Variants in BICD2 observed in about 807,000 individuals in gnomAD.
The protein encoded by BICD2 is BICD cargo adaptor 2.
A neutral mutation model predicts 72.9 loss-of-function variants in BICD2; 25 were observed. The observed-to-expected ratio is 0.34, with a 90% CI of 0.25 to 0.48. The LOEUF (loss-of-function observed/expected upper bound fraction) is 0.48, where lower values mean the gene tolerates loss of function less well. Among genes scored for constraint, BICD2 ranks in the 20% least tolerant of loss-of-function variants. BICD2 has a pLI of 0.99. For synonymous variants in BICD2, 501 were observed against 516.1 expected (o/e 0.97, Z 0.40); for missense variants, 894 against 1,175.2 (o/e 0.76, Z 3.50).
At chr9:92,724,988 CCACCAA>C (rs1853537067) in intron 2 of BICD2, among the ~76,000 whole-genome samples, 1 of 152,180 alleles carries the variant, frequency 6.6e-6, no homozygotes, top group Admixed American at 6.5e-5. Flanking sequence ...GGTCTGAGTC[CCACCAA>C]CTCTCCCAGG....
chr9:92,714,669 A>T lies in BICD2; in HGVS notation c.*485T>A. 1 of 988,044 alleles carries T rather than the reference A, an allele frequency of 1.0e-6. No homozygotes were observed. Among genetic ancestry groups the T allele is most frequent in the Non-Finnish European group, 1.2e-6 (1 of 831,964 alleles). The allele number at this position is 988,044 out of a possible 1,614,324, so 61.2% of individuals were successfully genotyped here. ...GTACTCCTTTCCATGAAACTATGCC[A>T]AGTGCAAAGCCATCCTCTGAGGTCG... On this transcript the variant is annotated 3_prime_UTR_variant, in exon 7 of 7. Transcript: ENST00000356884.
rs1854439117 is a variant in BICD2, at chr9:92,764,463, C to T, written c.240+42G>A. On this transcript the variant is annotated intron_variant, in intron 1 of 6. Transcript: ENST00000356884. This position sits in a 1 kb window ranked among gnomAD's most constrained non-coding sequence, Gnocchi z 5.5. ...TGCCAGGGACGACGCCCACAGGCCCCGGCGCCGGGCGGGGGTCGCAGGGCA... is the reference window on the plus strand; with the variant it reads ...TGCCAGGGACGACGCCCACAGGCCCTGGCGCCGGGCGGGGGTCGCAGGGCA... The T allele has an allele frequency of 1.4e-6, 2 of 1,451,060 alleles. No individual in the cohort carries two copies. Among genetic ancestry groups the T allele is most frequent in the Non-Finnish European group, 1.8e-6 (2 of 1,094,974 alleles). The allele number at this position is 1,451,060 out of a possible 1,614,324, so 89.9% of individuals were successfully genotyped here.
intron 6 of BICD2, 63 bp downstream of exon 6, chr9:92,717,734 A>G: frequency 6.6e-7 from 1 of 1,511,638 alleles, no homozygotes; most frequent in South Asian, 1.3e-5. Flanking sequence ...TAAGGGTTCC[A>G]GAGGCAAGTG....
intron 1 of BICD2, among the ~76,000 whole-genome samples, chr9:92,743,819 CAAG>C (rs1481445216): frequency 6.6e-6 from 1 of 152,138 alleles, no homozygotes; most frequent in African/African-American, 2.4e-5. Context: ...GACAGACACC[CAAG>C]AAGAACATTG....
In BICD2 at chr9:92,719,240, C is replaced by T. The variant is rs756111549; in HGVS notation, c.1405G>A (p.Glu469Lys). The T allele has an allele frequency of 8.7e-6, 14 of 1,612,510 alleles. No homozygotes were observed. Among genetic ancestry groups the T allele is most frequent in the Middle Eastern group, 1.6e-4 (1 of 6,062 alleles). Residue 469 changes from glutamate (E) to lysine (K), a missense_variant, in exon 5 of 7, where the codon GAG becomes AAG. Physicochemically the swap from Glu to Lys is moderately conservative, Grantham distance 56. This residue lies in a region of BICD2 where 371 missense variants were observed against 439.1 expected (regional missense o/e 0.84). Transcript: ENST00000356884. The part of the protein sequence containing the change: ...THEAREAQHA[E>K]EKGRYEAEGQ... Reference sequence around the variant, plus strand: ...TCAGCCTCATAGCGGCCCTTCTCCTCGGCGTGCTGGGCCTCACGAGCCTCG... The same window carrying T: ...TCAGCCTCATAGCGGCCCTTCTCCTTGGCGTGCTGGGCCTCACGAGCCTCG...
rs922619151 is a variant in BICD2, at chr9:92,714,455, A to T, written c.*699T>A. On this transcript the variant is annotated 3_prime_UTR_variant, in exon 7 of 7. Transcript: ENST00000356884. ...TCTGTCACCTCACAGGCCACTATAC[A>T]AGCATCCTGATCTCAGAAATGAGAA... is the stretch of plus-strand genomic sequence containing the variant. The T allele has an allele frequency of 1.0e-6, 1 of 985,336 alleles. No homozygotes were observed. Among genetic ancestry groups the T allele is most frequent in the African/African-American group, 1.7e-5 (1 of 57,238 alleles). 61.0% of individuals were successfully genotyped at this position (985,336 alleles called of 1,614,324 possible). A position where few individuals can be genotyped will look rare whatever the true frequency, so the allele number is the denominator to read the frequency against.
In BICD2 at chr9:92,764,561, C is replaced by G; in HGVS notation, c.184G>C (p.Glu62Gln). The G allele has an allele frequency of 6.4e-7, 1 of 1,555,242 alleles. No individual in the cohort carries two copies. Among genetic ancestry groups the G allele is most frequent in the Non-Finnish European group, 8.7e-7 (1 of 1,150,478 alleles). ...EEKHQLKLQF[E>Q]ELEVDYEAIR... ...GCCTCATAGTCCACCTCGAGCTCCT[C>G]GAACTGCAGCTTGAGCTGGTGCTTC... The change falls in exon 1 of 7, where the codon GAG becomes CAG. Residue 62 changes from glutamate (E) to glutamine (Q), a missense_variant. Physicochemically the swap from Glu to Gln is conservative, Grantham distance 29. Coordinates refer to ENST00000356884, the MANE Select transcript of BICD2 (RefSeq NM_001003800.2). This position sits in a 1 kb window ranked among gnomAD's most constrained non-coding sequence, Gnocchi z 5.5.
chr9:92,717,930 C>A lies in BICD2; in HGVS notation c.2125G>T (p.Ala709Ser). The part of the protein sequence containing the change: ...ANKQTAEVAL[A>S]NLKSKYENEK... Reference sequence around the variant, plus strand: ...TTCTCATACTTGCTCTTCAGGTTGGCAAGGGCCACCTCGGCCGTCTGGGGG... The same window carrying A: ...TTCTCATACTTGCTCTTCAGGTTGGAAAGGGCCACCTCGGCCGTCTGGGGG... Residue 709 changes from alanine (A) to serine (S), a missense_variant, in exon 6 of 7, where the codon GCC (alanine) becomes TCC (serine). Around this residue, in one of 5 missense-constraint regions of BICD2, gnomAD observed 321 missense variants for 443.9 expected, o/e 0.72. Transcript: ENST00000356884. The A allele has an allele frequency of 4.3e-6, 7 of 1,613,406 alleles. No homozygotes were observed. The highest frequency in any genetic ancestry group is 5.9e-6 in the Non-Finnish European group (7 of 1,179,890).
At position 92,718,643 on chromosome 9, in the gene BICD2, C is replaced by T; in HGVS notation, c.2002G>A (p.Asp668Asn). The change falls in exon 5 of 7, where the codon GAC becomes AAC. Residue 668 changes from aspartate (D) to asparagine (N), a missense_variant. Physicochemically the swap from Asp to Asn is conservative, Grantham distance 23. Coordinates refer to ENST00000356884, the MANE Select transcript of BICD2 (RefSeq NM_001003800.2). ...SQELGPAVDK[D>N]KEALMEEILK... ...ATCTCCTCCATAAGCGCTTCCTTGT[C>T]CTTGTCCACGGCGGGGCCCAGCTCC... 1 of 1,614,010 alleles carries T rather than the reference C, an allele frequency of 6.2e-7. No homozygotes were observed. The highest frequency in any genetic ancestry group is 1.1e-5 in the South Asian group (1 of 91,082).
At chr9:92,738,207 G>A (rs117756104) in intron 1 of BICD2, among the ~76,000 whole-genome samples, 220 of 152,322 alleles carry the variant, frequency 1.4e-3, no homozygotes, top group Non-Finnish European at 2.5e-3. Context: ...ATGGTTGGGC[G>A]TGTGTAAGCC....
intron 6 of BICD2, 80 bp from the exon 7 acceptor site, chr9:92,715,543 G>A (rs568792187): frequency 2.0e-4 from 283 of 1,409,522 alleles, no homozygotes; most frequent in Non-Finnish European, 2.6e-4. Flanking sequence ...TAAGCTGCAC[G>A]GCCCTCTGAC....
rs1024891261 is a variant in BICD2, at chr9:92,713,001, G to A, written c.*2153C>T. 5.8e-6 allele frequency: 1 copy of A among 171,306 alleles called. No individual in the cohort carries two copies. The highest frequency in any genetic ancestry group is 1.3e-5 in the Non-Finnish European group (1 of 78,648). 10.6% of individuals were successfully genotyped at this position (171,306 alleles called of 1,614,324 possible). A position where few individuals can be genotyped will look rare whatever the true frequency, so the allele number is the denominator to read the frequency against. ...CCTCGTGCTGACACCAGACAAACAC[G>A]GTGGGAGCTGAGGCGGACAGCTACA... On this transcript the variant is annotated 3_prime_UTR_variant, in exon 7 of 7. Coordinates refer to ENST00000356884, the MANE Select transcript of BICD2 (RefSeq NM_001003800.2).
intron 6 of BICD2, 118 bp from the exon 7 acceptor site, chr9:92,715,581 G>A: frequency 2.0e-6 from 2 of 1,020,624 alleles, no homozygotes; most frequent in Non-Finnish European, 1.4e-6. Flanking sequence ...ATCCTTCAAT[G>A]TGGCCTCTGG....
At chr9:92,727,890 G>A (rs1267678248) in intron 2 of BICD2, among the ~76,000 whole-genome samples, 8 of 152,280 alleles carry the variant, frequency 5.3e-5, no homozygotes, top group Middle Eastern at 6.8e-3. Flanking sequence ...GGACAGGCAC[G>A]GGGTACTGCT....
intron 1 of BICD2, among the ~76,000 whole-genome samples, chr9:92,742,130 T>C (rs1350875681): frequency 6.6e-6 from 1 of 152,234 alleles, no homozygotes; most frequent in Non-Finnish European, 1.5e-5. Flanking sequence ...TGTAGATTCA[T>C]GTGATATGGG....
intron 1 of BICD2, among the ~76,000 whole-genome samples, 166 bp from the exon 2 acceptor site, chr9:92,729,402 A>G (rs1853636078): frequency 6.6e-6 from 1 of 152,252 alleles, no homozygotes; most frequent in African/African-American, 2.4e-5. Flanking sequence ...TGTGGCGTGC[A>G]CTGTGGTGTG....
Position 92,729,015 on chromosome 9 carries a change from C to T in BICD2, c.453+9G>A, listed in dbSNP as rs202189685. Reference sequence around the variant, plus strand: ...CAGCCACAGACTAGGCCCCTCCTCACCCCCTCACCTCCTTCAGCTCCTGGG... The same window carrying T: ...CAGCCACAGACTAGGCCCCTCCTCATCCCCTCACCTCCTTCAGCTCCTGGG... On this transcript the variant is annotated intron_variant, in intron 2 of 6. Coordinates refer to ENST00000356884, the MANE Select transcript of BICD2 (RefSeq NM_001003800.2). 5 of 1,613,028 alleles carry T rather than the reference C, an allele frequency of 3.1e-6. No individual in the cohort carries two copies. The highest frequency in any genetic ancestry group is 2.7e-5 in the African/African-American group (2 of 74,926).
intron 1 of BICD2, among the ~76,000 whole-genome samples, chr9:92,734,713 C>G (rs77716571): frequency 6.6e-5 from 10 of 152,076 alleles, no homozygotes; most frequent in Non-Finnish European, 1.5e-4. Context: ...GGTCGCCAGC[C>G]GTGGGCTTGT....
chr9:92,736,884 T>G (rs979108814), intron 1 of BICD2, among the ~76,000 whole-genome samples: 8 of 152,190 alleles, frequency 5.3e-5, no homozygotes, highest in Non-Finnish European at 1.2e-4. Flanking sequence ...ACAGTCTGGC[T>G]GTAGCGTGGG....
Sources: gnomAD v4.1 joint callset for allele counts (sites outside exome capture counted in the v4.1 genomes callset) on GRCh38, gnomAD v4.1.1 for gene constraint, gnomAD v4.1.1 regional missense constraint, Gnocchi (gnomAD v3.1) non-coding constraint, MANE v1.5 for transcripts, NCBI Gene and HGNC (gene_info 2026-07-23, HGNC 2026-07-21) for gene names.